SLC15A1: variants seen among roughly 807,000 people sequenced by gnomAD.
The protein encoded by SLC15A1 is Caco-2 oligopeptide transporter.
In SLC15A1, 83 loss-of-function variants were observed where a neutral mutation model predicts 92.9. The observed-to-expected ratio is 0.89, with a 90% CI of 0.75 to 1.07. The LOEUF is 1.07. Ranked by LOEUF, SLC15A1 falls within the 50% of genes least tolerant of loss-of-function variation. The pLI is 0.00. For missense variants in SLC15A1, 857 were observed against 880.1 expected, an observed-to-expected ratio of 0.97 and a Z score of 0.33; for synonymous variants, 322 against 318.2, an observed-to-expected ratio of 1.01 and a Z score of -0.13.
At chr13:98,723,873 G>C (rs769300873) in intron 5 of SLC15A1, 39 bp downstream of exon 5, 2 of 1,613,170 alleles carry the variant, frequency 1.2e-6, no homozygotes, top group South Asian at 2.2e-5. Flanking sequence ...TGCGCACAAG[G>C]TGGGAGGGTG....
intron 18 of SLC15A1, among the ~76,000 whole-genome samples, chr13:98,690,733 C>T (rs1047365562): frequency 1.3e-5 from 2 of 152,146 alleles, no homozygotes; most frequent in Non-Finnish European, 2.9e-5. Flanking sequence ...TGCCACCCAC[C>T]ACACACCCAG....
At chr13:98,721,261 C>T (rs2088255083) in intron 7 of SLC15A1, 3 of 658,706 alleles carry the variant, frequency 4.6e-6, no homozygotes, top group South Asian at 4.5e-5. Flanking sequence ...GATGCCCATG[C>T]TAAGGATGGC....
intron 2 of SLC15A1, 57 bp from the exon 3 acceptor site, chr13:98,726,506 A>C: frequency 6.7e-7 from 1 of 1,492,960 alleles, no homozygotes; most frequent in Non-Finnish European, 9.3e-7. Flanking sequence ...GTCCATAGCC[A>C]CAAAGGAGCA....
intron 4 of SLC15A1, among the ~76,000 whole-genome samples, chr13:98,724,762 C>T (rs1443125097): frequency 7.2e-5 from 11 of 152,146 alleles, no homozygotes; most frequent in Admixed American, 2.0e-4. Context: ...TGTGAGCCAC[C>T]GCACCCAGCC....
chr13:98,693,743 T>C, intron 18 of SLC15A1, among the ~76,000 whole-genome samples: 1 of 152,248 alleles, frequency 6.6e-6, no homozygotes. Context: ...TCTTTTTCCT[T>C]TTTTTGTCAC....
chr13:98,733,770 T>C (rs983197626), intron 1 of SLC15A1, among the ~76,000 whole-genome samples: 19 of 152,210 alleles, frequency 1.2e-4, no homozygotes, highest in African/African-American at 4.1e-4. Flanking sequence ...TCAAGGTGCT[T>C]ACCCTCTGGG....
At chr13:98,733,151 T>C (rs1352222549) in intron 1 of SLC15A1, among the ~76,000 whole-genome samples, 1 of 152,158 alleles carries the variant, frequency 6.6e-6, no homozygotes, top group Non-Finnish European at 1.5e-5. Context: ...CGAGAGCCTT[T>C]CAAGGTAGCA....
In SLC15A1 at chr13:98,738,938, G is replaced by C. The variant is rs1264036462; in HGVS notation, c.5-12079C>G. Among the ~76,000 whole-genome samples, 4 of 152,254 alleles carry C rather than the reference G, an allele frequency of 2.6e-5. No individual in the cohort carries two copies. In the East Asian group the frequency reaches 7.7e-4, roughly 29 times the overall value. On this transcript the variant is annotated intron_variant, in intron 1 of 22. Coordinates refer to ENST00000376503, the MANE Select transcript of SLC15A1 (RefSeq NM_005073.4). ...TCAACAACATGTGAGAGCAACCTCT[G>C]GAGCTGAACACTGCAAAGCCACAGG...
At chr13:98,751,280 T>C (rs1340896530) in intron 1 of SLC15A1, among the ~76,000 whole-genome samples, 1 of 152,244 alleles carries the variant, frequency 6.6e-6, no homozygotes, top group Non-Finnish European at 1.5e-5. Context: ...TCAATTCATT[T>C]GGAAAGGAGG....
At chr13:98,690,541 G>C (rs1178545036) in intron 18 of SLC15A1, among the ~76,000 whole-genome samples, 1 of 152,214 alleles carries the variant, frequency 6.6e-6, no homozygotes, top group Admixed American at 6.5e-5. Context: ...GACTCTGAAT[G>C]AAACCATCCC....
intron 15 of SLC15A1, among the ~76,000 whole-genome samples, chr13:98,707,739 T>C (rs1014563879): frequency 6.6e-6 from 1 of 151,800 alleles, no homozygotes; most frequent in Non-Finnish European, 1.5e-5. Flanking sequence ...AAAAAAATTT[T>C]AATAAATTAG....
chr13:98,751,570 A>C (rs2139619897), intron 1 of SLC15A1, among the ~76,000 whole-genome samples: 1 of 152,360 alleles, frequency 6.6e-6, no homozygotes, highest in East Asian at 1.9e-4. Context: ...TCTCCGCCAG[A>C]GAGGGAAGTT....
chr13:98,745,473 G>T (rs937104938), intron 1 of SLC15A1, among the ~76,000 whole-genome samples: 1 of 152,158 alleles, frequency 6.6e-6, no homozygotes, highest in Non-Finnish European at 1.5e-5. Context: ...CATTACAGCT[G>T]TAATTAGCTA....
intron 16 of SLC15A1, 86 bp from the exon 17 acceptor site, chr13:98,704,521 T>A: frequency 7.5e-7 from 1 of 1,340,534 alleles, no homozygotes; most frequent in South Asian, 1.4e-5. Flanking sequence ...TTATCTGATA[T>A]TCTGCATTTC....
chr13:98,748,530 A>G (rs1172823379), intron 1 of SLC15A1, among the ~76,000 whole-genome samples: 1 of 152,140 alleles, frequency 6.6e-6, no homozygotes, highest in African/African-American at 2.4e-5. Flanking sequence ...CCTGAGCTCA[A>G]ATGATCCGCC....
Position 98,709,951 on chromosome 13 carries a change from G to A in SLC15A1, c.901-40C>T, listed in dbSNP as rs748613812. 6 of 1,606,822 alleles carry A rather than the reference G, an allele frequency of 3.7e-6. No individual in the cohort carries two copies. In the East Asian group the frequency reaches 8.9e-5, roughly 24 times the overall value. ...CATTTGCTGTATTATTTGGGGATGT[G>A]GGTTTTTAAAATTTTACAAGTCAAT... On this transcript the variant is annotated intron_variant, in intron 11 of 22. Coordinates refer to ENST00000376503, the MANE Select transcript of SLC15A1 (RefSeq NM_005073.4).
At chr13:98,729,309 C>T (rs1464470669) in intron 1 of SLC15A1, among the ~76,000 whole-genome samples, 3 of 152,124 alleles carry the variant, frequency 2.0e-5, no homozygotes, top group Non-Finnish European at 4.4e-5. Flanking sequence ...CCCAGTGTTT[C>T]GAGCAGCAGC....
At position 98,719,230 on chromosome 13, in the gene SLC15A1, C is replaced by T. The variant is rs1397579555; in HGVS notation, c.640+7G>A. ...GGCTTCTATTAATTCAACCGATTTC[C>T]ACTTACTCAGGGCTACAGCCATGAG... On this transcript the variant is annotated splice_region_variant and intron_variant, in intron 8 of 22. Transcript: ENST00000376503. The T allele has an allele frequency of 1.9e-6, 3 of 1,609,544 alleles. No individual in the cohort carries two copies. The Admixed American group carries it at 5.0e-5, about 27-fold the overall frequency.
Position 98,721,478 on chromosome 13 carries a change from T to C in SLC15A1, c.556+17A>G. ...CTAAAAAAAGACCAACAGAAGTTCC[T>C]TTCAGGTATCTCTTACCTCTGAGCA... On this transcript the variant is annotated intron_variant, in intron 7 of 22. Coordinates refer to ENST00000376503, the MANE Select transcript of SLC15A1 (RefSeq NM_005073.4). 1.9e-6 allele frequency: 3 copies of C among 1,589,234 alleles called. No homozygotes were observed. The highest frequency in any genetic ancestry group is 2.6e-6 in the Non-Finnish European group (3 of 1,157,704).
Sources: gnomAD v4.1 joint callset for allele counts (sites outside exome capture counted in the v4.1 genomes callset) on GRCh38, gnomAD v4.1.1 for gene constraint, MANE v1.5 for transcripts, NCBI Gene and HGNC (gene_info 2026-07-23, HGNC 2026-07-21) for gene names.